CROCC: variants seen among roughly 807,000 people sequenced by gnomAD.
CROCC encodes rootletin.
Under a neutral mutation model 245.2 loss-of-function variants are expected in CROCC, and 180 were observed. The ratio of observed to expected loss-of-function variants is 0.73; its 90% confidence interval spans 0.65 to 0.83. CROCC has a LOEUF of 0.83. Among genes scored for constraint, CROCC ranks in the 40% least tolerant of loss-of-function variants. The pLI is 0.00. For missense variants in CROCC, 2,688 were observed against 2,779.4 expected, an observed-to-expected ratio of 0.97 and a Z score of 0.74; for synonymous variants, 1,205 against 1,241.6, an observed-to-expected ratio of 0.97 and a Z score of 0.62.
In CROCC at chr1:16,951,096, G is replaced by A. The variant is rs1461328886; in HGVS notation, c.2980G>A (p.Asp994Asn). 11 of 1,568,300 alleles carry A rather than the reference G, an allele frequency of 7.0e-6. No individual in the cohort carries two copies. The highest frequency in any genetic ancestry group is 8.6e-6 in the Non-Finnish European group (10 of 1,158,132). The change falls in exon 20 of 37, where the codon GAC becomes AAC. Residue 994 changes from aspartate to asparagine, a missense_variant. Physicochemically the swap from Asp to Asn is conservative, Grantham distance 23. Around this residue, in one of 9 missense-constraint regions of CROCC, gnomAD observed 106 missense variants for 126.1 expected, o/e 0.84. Coordinates refer to ENST00000375541, the MANE Select transcript of CROCC (RefSeq NM_014675.5). Reference protein sequence around the residue: ...LREQRAAHEEDLQRLQREKEA... With the variant: ...LREQRAAHEENLQRLQREKEA... ...GGAGCAGCGGGCAGCTCACGAGGAG[G>A]ACTTACAGCGACTCCAGCGTGAAAA...
intron 8 of CROCC, among the ~76,000 whole-genome samples, chr1:16,935,896 C>T (rs1486138013): frequency 1.3e-5 from 2 of 152,262 alleles, no homozygotes; most frequent in Non-Finnish European, 1.5e-5. Context: ...TGGGGTATAT[C>T]GTTGGATACG....
At chr1:16,940,753 C>G (rs2075912270) in intron 13 of CROCC, 1 of 274,850 alleles carries the variant, frequency 3.6e-6, no homozygotes, top group Admixed American at 5.1e-5. Flanking sequence ...TTGAGTCACA[C>G]TCTTGCTCTG....
intron 8 of CROCC, among the ~76,000 whole-genome samples, chr1:16,931,923 A>AT (rs376677756): frequency 1.7e-3 from 249 of 147,650 alleles, no homozygotes; most frequent in Middle Eastern, 7.0e-3. Flanking sequence ...CACCCAGCTA[A>AT]TTTTTTTTTT....
At chr1:16,933,441 T>C (rs529710548) in intron 8 of CROCC, among the ~76,000 whole-genome samples, 5 of 152,232 alleles carry the variant, frequency 3.3e-5, no homozygotes, top group Non-Finnish European at 7.3e-5. Context: ...CACTCCAGCC[T>C]GGGTGACAGA....
rs1434730304 is a variant in CROCC at position 16,937,499 on chromosome 1, G to A, written c.1194-142G>A. On this transcript the variant is annotated intron_variant, in intron 9 of 36. Transcript: ENST00000375541. ...AATGTGAGATCTGGAGAGGAGCCGG[G>A]ACTTGTCTGAGGTCACACAGCCAGG... 5 of 686,050 alleles carry A rather than the reference G, an allele frequency of 7.3e-6. No individual in the cohort carries two copies. The East Asian group carries it at 1.4e-4, about 19-fold the overall frequency. The allele number at this position is 686,050 out of a possible 1,614,324, so 42.5% of individuals were successfully genotyped here.
chr1:16,918,300 CTTTTT>C (rs201445636), upstream of CROCC, among the ~76,000 whole-genome samples: 3 of 123,872 alleles, frequency 2.4e-5, no homozygotes, highest in African/African-American at 8.8e-5. Flanking sequence ...GGAATTCAGT[CTTTTT>C]TTTTTTTTTT....
chr1:16,923,985 A>G (rs2075471259), intron 2 of CROCC, among the ~76,000 whole-genome samples: 2 of 152,198 alleles, frequency 1.3e-5, no homozygotes, highest in Non-Finnish European at 2.9e-5. Flanking sequence ...CCCCACCCAT[A>G]TTACAGATAA....
chr1:16,940,180 G>A (rs1442208178), intron 13 of CROCC, 87 bp downstream of exon 13: 14 of 1,371,898 alleles, frequency 1.0e-5, no homozygotes, highest in Admixed American at 4.4e-5. Flanking sequence ...GTATGGCTCT[G>A]CACTAATATG....
chr1:16,950,768 C>A (rs1042647211), intron 19 of CROCC, among the ~76,000 whole-genome samples, 185 bp from the exon 20 acceptor site: 1 of 152,226 alleles, frequency 6.6e-6, no homozygotes. Flanking sequence ...GGCCAGTGGG[C>A]CCATGTAGCA....
At position 16,969,825 on chromosome 1, in the gene CROCC, G is replaced by A. The variant is rs150925029; in HGVS notation, c.5342G>A (p.Arg1781Gln). ...GCCCGGCAGGCATTATCTGAGGCAC[G>A]GAAGCAGAGCAGCTCCCTGGGCGAG... is the stretch of plus-strand genomic sequence containing the variant. ...DAARQALSEA[R>Q]KQSSSLGEQV... is the part of the protein sequence containing the mutation. Residue 1781 changes from arginine (R) to glutamine (Q), a missense_variant, in exon 33 of 37, where the codon CGG (arginine) becomes CAG (glutamine). Coordinates refer to ENST00000375541, the MANE Select transcript of CROCC (RefSeq NM_014675.5). 1,605 of 1,613,322 alleles carry A rather than the reference G, an allele frequency of 9.9e-4. 8 individuals carry two copies. Among genetic ancestry groups the A allele is most frequent in the Non-Finnish European group, 7.5e-4 (879 of 1,179,758 alleles).
At chr1:16,972,001 A>G (rs7513616) in intron 36 of CROCC, among the ~76,000 whole-genome samples, 68,055 of 152,062 alleles carry the variant, frequency 0.45, 15,499 homozygotes, top group Non-Finnish European at 0.49. Flanking sequence ...GCCCGCTCAG[A>G]TCACATACCC....
rs1438639855 is a variant in CROCC, at chr1:16,958,608, C to G, written c.3890C>G (p.Thr1297Ser). Residue 1297 changes from threonine to serine, a missense_variant, in exon 26 of 37, where the codon ACC (threonine) becomes AGC (serine). This residue lies in a region of CROCC where 1,218 missense variants were observed against 1,286.3 expected (regional missense o/e 0.95). Transcript: ENST00000375541. ...ATGAAGATGCTGGACAGTGAGAACACCAGACTGGGCCGGGAGCTGGCGGAG... is the reference window on the plus strand; with the variant it reads ...ATGAAGATGCTGGACAGTGAGAACAGCAGACTGGGCCGGGAGCTGGCGGAG... ...RQMKMLDSEN[T>S]RLGRELAELQ... 2.6e-5 allele frequency: 41 copies of G among 1,554,038 alleles called. No individual in the cohort carries two copies. The highest frequency in any genetic ancestry group is 3.4e-5 in the Non-Finnish European group (39 of 1,149,140).
chr1:16,936,613 C>A, intron 8 of CROCC, 24 bp from the exon 9 acceptor site: 1 of 1,555,640 alleles, frequency 6.4e-7, no homozygotes, highest in Non-Finnish European at 8.7e-7. Flanking sequence ...CCCATCCATC[C>A]CCAGCCTGTG....
chr1:16,942,965 G>A (rs1238362846), intron 13 of CROCC, among the ~76,000 whole-genome samples: 2 of 152,202 alleles, frequency 1.3e-5, no homozygotes, highest in East Asian at 1.9e-4. Context: ...AAAATTGGCC[G>A]GGCACAGTGG....
In CROCC at chr1:16,954,818, A is replaced by T. The variant is rs2076222413; in HGVS notation, c.3406A>T (p.Arg1136Trp). 4 of 1,551,566 alleles carry T rather than the reference A, an allele frequency of 2.6e-6. No homozygotes were observed. Among genetic ancestry groups the T allele is most frequent in the Non-Finnish European group, 3.5e-6 (4 of 1,147,354 alleles). The change falls in exon 23 of 37, where the codon AGG becomes TGG. Residue 1136 changes from arginine to tryptophan, a missense_variant. By Grantham distance (101) the Arg-to-Trp change is moderately radical (BLOSUM62 -3). Coordinates refer to ENST00000375541, the MANE Select transcript of CROCC (RefSeq NM_014675.5). The surrounding 1 kb of genome is among the most constrained non-coding windows in gnomAD (Gnocchi z 4.4). ...EAAAAHAQEV[R>W]RLQEQARDLG... is the part of the protein sequence containing the mutation. ...TGCTGCGGCCCACGCCCAGGAGGTG[A>T]GGAGGCTGCAAGAGCAGGCCCGAGA...
In CROCC at chr1:16,951,004, G is replaced by C; in HGVS notation, c.2888G>C (p.Ser963Thr). ...ATAATAGCTACACAGGAGAAAGCCA[G>C]TCTAGACAAGGAGCTGATGGCCCAG... ...QQIIATQEKA[S>T]LDKELMAQKL... Residue 963 changes from serine (S) to threonine (T), a missense_variant, in exon 20 of 37, where the codon AGT (serine) becomes ACT (threonine). Coordinates refer to ENST00000375541, the MANE Select transcript of CROCC (RefSeq NM_014675.5). The C allele has an allele frequency of 6.2e-7, 1 of 1,604,830 alleles. No individual in the cohort carries two copies. Among genetic ancestry groups the C allele is most frequent in the Middle Eastern group, 2.1e-4 (1 of 4,718 alleles).
intron 14 of CROCC, among the ~76,000 whole-genome samples, chr1:16,944,987 C>T (rs1244183429): frequency 2.0e-5 from 3 of 152,298 alleles, no homozygotes; most frequent in African/African-American, 4.8e-5. Flanking sequence ...AATCCCAGCA[C>T]TTTGAGAGGC....
Position 16,922,703 on chromosome 1 carries a change from G to A in CROCC, c.101G>A (p.Gly34Asp), listed in dbSNP as rs1288016560. 6.2e-7 allele frequency: 1 copy of A among 1,613,646 alleles called. No individual in the cohort carries two copies. Among genetic ancestry groups the A allele is most frequent in the Admixed American group, 1.7e-5 (1 of 59,972 alleles). ...SSVLCQEKGL[G>D]ARDLAQDAQI... The stretch of plus-strand genomic sequence containing the variant: ...GTCCTGTGCCAGGAGAAAGGCTTGG[G>A]CGCGCGGGACCTGGCCCAGGACGCT... Residue 34 changes from glycine (G) to aspartate (D), a missense_variant, in exon 2 of 37, where the codon GGC becomes GAC. Gly to Asp is a moderately conservative substitution (Grantham distance 94). Transcript: ENST00000375541.
At position 16,972,531 on chromosome 1, in the gene CROCC, G is replaced by C; in HGVS notation, c.*85G>C. The C allele has an allele frequency of 1.1e-6, 1 of 879,732 alleles. No homozygotes were observed. Among genetic ancestry groups the C allele is most frequent in the Non-Finnish European group, 1.7e-6 (1 of 586,950 alleles). The allele number at this position is 879,732 out of a possible 1,614,324, so 54.5% of individuals were successfully genotyped here. A position where few individuals can be genotyped will look rare whatever the true frequency, so the allele number is the denominator to read the frequency against. On this transcript the variant is annotated 3_prime_UTR_variant, in exon 37 of 37. Transcript: ENST00000375541. ...GGACAGCCCCCCCACCCAGAGCCCG[G>C]TCCCTTGGGGGCCTCAAGCTGGGGT...
Sources: allele counts gnomAD v4.1 joint callset (sites outside exome capture counted in the v4.1 genomes callset), GRCh38; gene constraint gnomAD v4.1.1; regional missense constraint gnomAD v4.1.1; non-coding constraint Gnocchi (gnomAD v3.1); transcripts MANE v1.5; gene names NCBI Gene and HGNC (gene_info 2026-07-23, HGNC 2026-07-21).